CCDC178: variants seen among roughly 807,000 people sequenced by gnomAD.
CCDC178 encodes coiled-coil domain containing 178, also known as coiled-coil domain-containing protein 178.
In CCDC178, 126 loss-of-function variants were observed where a neutral mutation model predicts 117.4. The ratio of observed to expected loss-of-function variants is 1.07; its 90% CI spans 0.93 to 1.24. The LOEUF is 1.24. Among genes scored for constraint, CCDC178 ranks in the 50% most tolerant of loss-of-function variants. CCDC178 has a pLI of 0.00. For missense variants in CCDC178, 1,030 were observed against 986.9 expected (o/e 1.04, Z -0.59); for synonymous variants, 283 against 313.4 (o/e 0.90, Z 1.02).
rs185414596 is a variant in CCDC178, at chr18:33,416,824, C to T, written c.-22-4714G>A. ...AGAAGTAACAAGGCATTCCTCCTAC[C>T]CCTTCCAGCCAGAAAGAGCTGGAAC... On this transcript the variant is annotated intron_variant, in intron 2 of 22. Transcript: ENST00000383096. Among the ~76,000 whole-genome samples the T allele has an allele frequency of 2.8e-4, 42 of 152,238 alleles. 1 individual carries two copies. Among genetic ancestry groups the T allele is most frequent in the Admixed American group, 1.4e-3 (22 of 15,302 alleles).
At chr18:33,336,195 A>G (rs550205417) in intron 9 of CCDC178, among the ~76,000 whole-genome samples, 3 of 152,256 alleles carry the variant, frequency 2.0e-5, no homozygotes, top group South Asian at 2.1e-4. Flanking sequence ...TCTGAGCCAC[A>G]GGTTGATTCA....
At chr18:33,281,583 C>G (rs760485758) in intron 12 of CCDC178, among the ~76,000 whole-genome samples, 3 of 151,872 alleles carry the variant, frequency 2.0e-5, no homozygotes, top group Non-Finnish European at 4.4e-5. Flanking sequence ...GACAATGTGA[C>G]AAGTCTCATA....
Position 33,067,268 on chromosome 18 carries a change from A to G in CCDC178, c.2388+25493T>C, listed in dbSNP as rs971126566. Among the ~76,000 whole-genome samples the G allele has an allele frequency of 9.2e-5, 14 of 152,218 alleles. 1 individual carries two copies. The highest frequency in any genetic ancestry group is 1.6e-4 in the Non-Finnish European group (11 of 68,046). ...TCTTGAACAACCATTAGCTCAATAA[A>G]TAAATTAAGACAGATGTCAAAAAAT... On this transcript the variant is annotated intron_variant, in intron 21 of 22. Coordinates refer to ENST00000383096, the MANE Select transcript of CCDC178 (RefSeq NM_001105528.4).
intron 21 of CCDC178, among the ~76,000 whole-genome samples, chr18:33,077,283 T>C (rs1484883339): frequency 6.6e-6 from 1 of 152,018 alleles, no homozygotes; most frequent in Non-Finnish European, 1.5e-5. Context: ...ACAAGTAGAG[T>C]AGCCTAAAAT....
chr18:33,342,354 C>T (rs913709191), intron 9 of CCDC178, among the ~76,000 whole-genome samples: 1 of 152,148 alleles, frequency 6.6e-6, no homozygotes, highest in African/African-American at 2.4e-5. Flanking sequence ...AGAAACAAGA[C>T]ATGATATATA....
At position 33,288,123 on chromosome 18, in the gene CCDC178, A is replaced by G. The variant is rs981792673; in HGVS notation, c.1176+5036T>C. Among the ~76,000 whole-genome samples the G allele has an allele frequency of 2.0e-5, 3 of 151,920 alleles. 1 individual carries two copies. The highest frequency in any genetic ancestry group is 3.9e-4 in the East Asian group (2 of 5,162). Reference sequence around the variant, plus strand: ...ATTAAGGAAGATTCTGTGAATGGCTACTCTCTACACTCCAGGTCACCAAGT... The same window carrying G: ...ATTAAGGAAGATTCTGTGAATGGCTGCTCTCTACACTCCAGGTCACCAAGT... On this transcript the variant is annotated intron_variant, in intron 12 of 22. Transcript: ENST00000383096.
intron 3 of CCDC178, among the ~76,000 whole-genome samples, chr18:33,402,081 C>T (rs1459847707): frequency 6.6e-6 from 1 of 151,858 alleles, no homozygotes; most frequent in Non-Finnish European, 1.5e-5. Flanking sequence ...TATTGAAGGC[C>T]ACACAAATGT....
At chr18:32,989,698 A>C (rs1174029137) in intron 21 of CCDC178, among the ~76,000 whole-genome samples, 1 of 152,152 alleles carries the variant, frequency 6.6e-6, no homozygotes, top group Non-Finnish European at 1.5e-5. Flanking sequence ...AATAATATAA[A>C]AACCATTTTT....
At chr18:33,037,619 C>T (rs1247289723) in intron 21 of CCDC178, among the ~76,000 whole-genome samples, 1 of 151,916 alleles carries the variant, frequency 6.6e-6, no homozygotes, top group Non-Finnish European at 1.5e-5. Flanking sequence ...AATGTAGATG[C>T]TTTTCTTCTT....
At position 33,296,866 on chromosome 18, in the gene CCDC178, A is replaced by G. The variant is rs115287671; in HGVS notation, c.1023-3554T>C. On this transcript the variant is annotated intron_variant, in intron 11 of 22. Transcript: ENST00000383096. ...ATGGTGAAACTCTGCCTCTACTAAA[A>G]ATACAAAATTAGCCGAGAGTGGTGT... 7.3e-3 allele frequency among the ~76,000 whole-genome samples: 1,105 copies of G among 152,152 alleles called. 7 individuals carry two copies. Among genetic ancestry groups the G allele is most frequent in the African/African-American group, 0.025 (1,056 of 41,500 alleles).
intron 21 of CCDC178, among the ~76,000 whole-genome samples, chr18:33,038,147 T>C (rs751119639): frequency 1.5e-4 from 23 of 151,974 alleles, no homozygotes; most frequent in Non-Finnish European, 1.0e-4. Context: ...CAAACTACTA[T>C]AGACATTTTG....
At chr18:33,257,736 TA>T (rs1214235007) in intron 14 of CCDC178, among the ~76,000 whole-genome samples, 4 of 152,146 alleles carry the variant, frequency 2.6e-5, no homozygotes, top group African/African-American at 9.7e-5. Flanking sequence ...ACTCTCTTTT[TA>T]GACATCTCAA....
intron 21 of CCDC178, among the ~76,000 whole-genome samples, chr18:33,015,771 C>G (rs1474459265): frequency 6.6e-6 from 1 of 151,882 alleles, no homozygotes; most frequent in African/African-American, 2.4e-5. Context: ...GTATGGTGTA[C>G]AACTAGAAAC....
In CCDC178 at chr18:33,408,807, A is replaced by G. The variant is rs1006861756; in HGVS notation, c.58+3224T>C. On this transcript the variant is annotated intron_variant, in intron 3 of 22. Coordinates refer to ENST00000383096, the MANE Select transcript of CCDC178 (RefSeq NM_001105528.4). ...ATAAACGCACTATCAGTATTTTGAT[A>G]CAAATAAATGTGATGCTGCCATGAA... is the stretch of plus-strand genomic sequence containing the variant. 2.6e-5 allele frequency among the ~76,000 whole-genome samples: 4 copies of G among 152,192 alleles called. No homozygotes were observed. In the East Asian group the frequency reaches 7.7e-4, roughly 29 times the overall value.
At chr18:32,955,953 A>G (rs989250590) in intron 22 of CCDC178, among the ~76,000 whole-genome samples, 71 of 152,144 alleles carry the variant, frequency 4.7e-4, no homozygotes, top group African/African-American at 1.7e-3. Flanking sequence ...GTCTTTTTAA[A>G]ATCCATGTGC....
intron 21 of CCDC178, among the ~76,000 whole-genome samples, chr18:33,023,197 C>T (rs11662808): frequency 1 from 152,235 of 152,260 alleles, 76,105 homozygotes; most frequent in Non-Finnish European, 1. Flanking sequence ...TCATTAAGGA[C>T]AGAGAAGAAC....
chr18:33,295,912 C>CA (rs1364413533), intron 11 of CCDC178, among the ~76,000 whole-genome samples: 4 of 151,976 alleles, frequency 2.6e-5, no homozygotes, highest in African/African-American at 4.8e-5. Flanking sequence ...ACGTACATCC[C>CA]AAAAAATCAC....
At chr18:33,207,520 C>T (rs2059058127) in intron 20 of CCDC178, among the ~76,000 whole-genome samples, 1 of 149,464 alleles carries the variant, frequency 6.7e-6, no homozygotes, top group Admixed American at 6.6e-5. Context: ...ATTCATTTTC[C>T]AGTGGGAATG....
At chr18:33,278,247 ATATC>A (rs1385761275) in intron 12 of CCDC178, among the ~76,000 whole-genome samples, 17 of 98,374 alleles carry the variant, frequency 1.7e-4, no homozygotes, top group East Asian at 3.7e-4. Flanking sequence ...ATATATATAT[ATATC>A]TATATACATA....
Sources: gnomAD v4.1 joint callset for allele counts (sites outside exome capture counted in the v4.1 genomes callset) on GRCh38, gnomAD v4.1.1 for gene constraint, MANE v1.5 for transcripts, NCBI Gene and HGNC (gene_info 2026-07-23, HGNC 2026-07-21) for gene names.